Variants in TMTC1 observed in about 807,000 individuals in gnomAD.
The protein encoded by TMTC1 is transmembrane O-mannosyltransferase targeting cadherins 1, also known as protein O-mannosyl-transferase TMTC1.
Under a neutral mutation model 104.8 loss-of-function variants are expected in TMTC1, and 73 were observed. That is an observed-to-expected ratio of 0.70 (90% CI 0.58 to 0.85). The LOEUF (loss-of-function observed/expected upper bound fraction) is 0.85. Among genes scored for constraint, TMTC1 ranks in the 40% least tolerant of loss-of-function variants. TMTC1 has a pLI of 0.00. For missense variants in TMTC1, 1,035 were observed against 1,096.1 expected (o/e 0.94, Z 0.79); for synonymous variants, 434 against 428.7 (o/e 1.01, Z -0.15).
At chr12:29,570,660 A>G (rs1427060477) in intron 9 of TMTC1, among the ~76,000 whole-genome samples, 3 of 152,120 alleles carry the variant, frequency 2.0e-5, no homozygotes, top group African/African-American at 7.2e-5. Flanking sequence ...CCTGGTCAAC[A>G]TGGTGAAACC....
chr12:29,784,550 A>G (rs1943912947), upstream of TMTC1: 1 of 152,196 alleles, frequency 6.6e-6, no homozygotes, highest in Non-Finnish European at 1.5e-5. Flanking sequence ...CTCCCTGGAC[A>G]AGGACATCCT....
intron 5 of TMTC1, among the ~76,000 whole-genome samples, chr12:29,688,619 C>T (rs1186570943): frequency 6.6e-6 from 1 of 152,182 alleles, no homozygotes; most frequent in Admixed American, 6.5e-5. Flanking sequence ...TGGGGCTGCC[C>T]AAAGTCTAAT....
rs1944123190 is a variant in TMTC1, at chr12:29,520,627, C to T, written c.1879G>A (p.Val627Ile). 1 of 1,612,086 alleles carries T rather than the reference C, an allele frequency of 6.2e-7. No individual in the cohort carries two copies. The highest frequency in any genetic ancestry group is 8.5e-7 in the Non-Finnish European group (1 of 1,179,128). The change falls in exon 12 of 18, where the codon GTT becomes ATT. Residue 627 changes from valine (V) to isoleucine (I), a missense_variant. Transcript: ENST00000539277. Reference sequence around the variant, plus strand: ...CTTTAATTTCACTTACCAGTATCAACTAAGAAAACCCCATAGTTGTTGTGT... The same window carrying T: ...CTTTAATTTCACTTACCAGTATCAATTAAGAAAACCCCATAGTTGTTGTGT... ...DLHNNYGVFL[V>I]DTGLPEKAVA...
intron 1 of TMTC1, among the ~76,000 whole-genome samples, chr12:29,770,489 T>C (rs2120538764): frequency 6.6e-6 from 1 of 152,300 alleles, no homozygotes; most frequent in Non-Finnish European, 1.5e-5. Context: ...ATTCCATCTG[T>C]GGGGTTATAG....
rs564436239 is a variant in TMTC1, at chr12:29,647,015, C to T, written c.939-13679G>A. 2.6e-5 allele frequency among the ~76,000 whole-genome samples: 4 copies of T among 152,208 alleles called. No individual in the cohort carries two copies. In the South Asian group the frequency reaches 6.3e-4, roughly 24 times the overall value. The stretch of plus-strand genomic sequence containing the variant: ...CTAAAATACAGAACAGCTTCAGCTT[C>T]GTTTCGAAAAAACATGTTTCTTTTT... On this transcript the variant is annotated intron_variant, in intron 5 of 17. Coordinates refer to ENST00000539277, the MANE Select transcript of TMTC1 (RefSeq NM_001193451.2).
chr12:29,558,646 G>A (rs1945305113), intron 9 of TMTC1, among the ~76,000 whole-genome samples: 1 of 152,174 alleles, frequency 6.6e-6, no homozygotes, highest in African/African-American at 2.4e-5. Flanking sequence ...AGGCTGTTAG[G>A]AGAGAGATCT....
In TMTC1 at chr12:29,517,518, T is replaced by G. The variant is rs749883484; in HGVS notation, c.2078A>C (p.Tyr693Ser). The change falls in exon 14 of 18, where the codon TAT becomes TCT. Residue 693 changes from tyrosine (Y) to serine (S), a missense_variant. Coordinates refer to ENST00000539277, the MANE Select transcript of TMTC1 (RefSeq NM_001193451.2). ...AEILSPLGAL[Y>S]YNTGRYEEAL... Reference sequence around the variant, plus strand: ...CTCTTCGTATCGGCCAGTGTTGTAATACAGTGCTCCCAAAGGTGACAATAT... The same window carrying G: ...CTCTTCGTATCGGCCAGTGTTGTAAGACAGTGCTCCCAAAGGTGACAATAT... 1.2e-6 allele frequency: 2 copies of G among 1,614,158 alleles called. No homozygotes were observed. The highest frequency in any genetic ancestry group is 1.7e-6 in the Non-Finnish European group (2 of 1,180,020).
intron 5 of TMTC1, among the ~76,000 whole-genome samples, chr12:29,737,934 A>C (rs1942724174): frequency 6.6e-6 from 1 of 152,184 alleles, no homozygotes; most frequent in South Asian, 2.1e-4. Flanking sequence ...TGAATAATGA[A>C]GCCAATCTTG....
intron 7 of TMTC1, among the ~76,000 whole-genome samples, chr12:29,598,544 A>G (rs2136381190): frequency 6.6e-6 from 1 of 152,180 alleles, no homozygotes; most frequent in East Asian, 1.9e-4. Flanking sequence ...TTTTTCTTTC[A>G]TTGAATTTTA....
chr12:29,696,893 T>C (rs1405837828), intron 5 of TMTC1, among the ~76,000 whole-genome samples: 1 of 152,144 alleles, frequency 6.6e-6, no homozygotes, highest in Non-Finnish European at 1.5e-5. Flanking sequence ...TATGACAACA[T>C]AGAAGGAATA....
At chr12:29,667,206 A>C (rs900234910) in intron 5 of TMTC1, among the ~76,000 whole-genome samples, 2 of 152,190 alleles carry the variant, frequency 1.3e-5, no homozygotes, top group Admixed American at 1.3e-4. Flanking sequence ...CCTCGTCTAA[A>C]CCTTAATAGG....
intron 11 of TMTC1, among the ~76,000 whole-genome samples, chr12:29,525,808 T>A (rs1203942986): frequency 6.6e-6 from 1 of 152,226 alleles, no homozygotes; most frequent in Non-Finnish European, 1.5e-5. Flanking sequence ...TAAGACAATC[T>A]AGTTGAATCA....
At chr12:29,749,586 C>A (rs985113619) in intron 5 of TMTC1, among the ~76,000 whole-genome samples, 2 of 151,966 alleles carry the variant, frequency 1.3e-5, no homozygotes, top group African/African-American at 2.4e-5. Context: ...CCAATTGTTT[C>A]ACCTTCTTTC....
intron 9 of TMTC1, among the ~76,000 whole-genome samples, chr12:29,561,488 T>C (rs963263864): frequency 3.3e-5 from 5 of 152,196 alleles, no homozygotes; most frequent in Admixed American, 1.3e-4. Context: ...AATCATGGTG[T>C]CTCTGAAAAG....
intron 5 of TMTC1, among the ~76,000 whole-genome samples, chr12:29,690,420 T>C (rs558038733): frequency 2.0e-4 from 30 of 152,326 alleles, no homozygotes; most frequent in Non-Finnish European, 3.1e-4. Context: ...TAGCACCTTA[T>C]ATATGAAGTG....
intron 5 of TMTC1, among the ~76,000 whole-genome samples, chr12:29,671,150 G>A (rs1940497563): frequency 6.6e-6 from 1 of 150,890 alleles, no homozygotes; most frequent in Non-Finnish European, 1.5e-5. Flanking sequence ...AATAAAATTA[G>A]CTGGGTGTGG....
chr12:29,555,997 G>T (rs10492311), intron 10 of TMTC1, among the ~76,000 whole-genome samples: 19,230 of 151,866 alleles, frequency 0.13, 1,507 homozygotes, highest in African/African-American at 0.22. Context: ...ATATTATTAC[G>T]CTCCAATTCT....
At chr12:29,774,191 A>C (rs2120592331) in intron 1 of TMTC1, among the ~76,000 whole-genome samples, 1 of 152,284 alleles carries the variant, frequency 6.6e-6, no homozygotes, top group African/African-American at 2.4e-5. Context: ...AACTGTCTTA[A>C]TCATCTGGTG....
chr12:29,607,051 G>T (rs56178040), intron 6 of TMTC1, among the ~76,000 whole-genome samples: 1 of 151,982 alleles, frequency 6.6e-6, no homozygotes, highest in Non-Finnish European at 1.5e-5. Flanking sequence ...TGCGGAGATG[G>T]GGGGAGAGTC....
Sources: gnomAD v4.1 joint callset for allele counts (sites outside exome capture counted in the v4.1 genomes callset) on GRCh38, gnomAD v4.1.1 for gene constraint, MANE v1.5 for transcripts, NCBI Gene and HGNC (gene_info 2026-07-23, HGNC 2026-07-21) for gene names.